Variants in DPYD observed in about 807,000 individuals in gnomAD.
DPYD encodes the protein dihydropyrimidine dehydrogenase.
In DPYD, 109 loss-of-function variants were observed where a neutral mutation model predicts 116.2. That is an observed-to-expected ratio of 0.94 (90% confidence interval 0.80 to 1.10). The LOEUF (loss-of-function observed/expected upper bound fraction) is 1.10. DPYD is among the 50% of genes least tolerant of loss of function. The pLI is 0.00. For synonymous variants in DPYD, 440 were observed against 432.0 expected (o/e 1.02, Z -0.23); for missense variants, 1,302 against 1,254.5 (o/e 1.04, Z -0.57).
At chr1:97,408,403 T>A (rs1312436206) in intron 14 of DPYD, among the ~76,000 whole-genome samples, 1 of 152,208 alleles carries the variant, frequency 6.6e-6, no homozygotes, top group East Asian at 1.9e-4. Context: ...TTTCCTTTTT[T>A]CCTTTATCAT....
chr1:97,830,721 AAGAG>A (rs1275886869), intron 2 of DPYD, among the ~76,000 whole-genome samples: 4 of 151,702 alleles, frequency 2.6e-5, no homozygotes, highest in African/African-American at 4.8e-5. Context: ...AAAAAAAAAA[AAGAG>A]AGAGAGAGAA....
intron 20 of DPYD, among the ~76,000 whole-genome samples, chr1:97,163,271 C>A (rs990124161): frequency 6.6e-6 from 1 of 151,910 alleles, no homozygotes; most frequent in Non-Finnish European, 1.5e-5. Flanking sequence ...CAATGAACTC[C>A]AACAAATTTA....
At chr1:97,773,228 A>G (rs1666231698) in intron 3 of DPYD, among the ~76,000 whole-genome samples, 1 of 152,312 alleles carries the variant, frequency 6.6e-6, no homozygotes, top group East Asian at 1.9e-4. Context: ...CACAAATGAG[A>G]CAACTGAGCC....
intron 3 of DPYD, among the ~76,000 whole-genome samples, chr1:97,796,237 C>T (rs1420967318): frequency 6.6e-6 from 1 of 151,868 alleles, no homozygotes; most frequent in Non-Finnish European, 1.5e-5. Context: ...TATTATTATC[C>T]CAATTTTATA....
At chr1:97,719,271 C>T (rs1215192273) in intron 5 of DPYD, among the ~76,000 whole-genome samples, 1 of 150,896 alleles carries the variant, frequency 6.6e-6, no homozygotes, top group Non-Finnish European at 1.5e-5. Flanking sequence ...AAATCACATG[C>T]TCATGTTAAA....
intron 3 of DPYD, among the ~76,000 whole-genome samples, chr1:97,799,995 T>C (rs560434155): frequency 6.6e-6 from 1 of 152,098 alleles, no homozygotes; most frequent in Admixed American, 6.6e-5. Flanking sequence ...AGGATCTCTG[T>C]GTAGCAAAGT....
chr1:97,419,907 C>T (rs923491966), intron 14 of DPYD: 2 of 152,160 alleles, frequency 1.3e-5, no homozygotes, highest in Non-Finnish European at 2.9e-5. Flanking sequence ...CTGACAATGC[C>T]TATTTTCCTT....
intron 16 of DPYD, among the ~76,000 whole-genome samples, chr1:97,318,048 C>A (rs930517773): frequency 3.7e-4 from 55 of 148,314 alleles, no homozygotes; most frequent in African/African-American, 1.2e-3. Context: ...TTTGTCACCA[C>A]CAGGCCTGCC....
intron 6 of DPYD, among the ~76,000 whole-genome samples, chr1:97,696,127 CA>C (rs1232978190): frequency 2.5e-4 from 23 of 91,732 alleles, no homozygotes; most frequent in Admixed American, 2.5e-4. Context: ...CAGACTCTTT[CA>C]AAAAAAAAAG....
intron 3 of DPYD, among the ~76,000 whole-genome samples, chr1:97,766,583 A>T (rs1665867908): frequency 6.6e-6 from 1 of 152,246 alleles, no homozygotes; most frequent in African/African-American, 2.4e-5. Context: ...CTTTGTTAAC[A>T]CCTCTGAAAG....
chr1:97,473,417 T>C (rs1225831391), intron 13 of DPYD, among the ~76,000 whole-genome samples: 2 of 152,246 alleles, frequency 1.3e-5, no homozygotes, highest in Admixed American at 6.5e-5. Context: ...TATTGGCTAT[T>C]GTGAATAATA....
chr1:97,181,555 A>T (rs1657645212), intron 20 of DPYD, among the ~76,000 whole-genome samples: 1 of 152,132 alleles, frequency 6.6e-6, no homozygotes, highest in Admixed American at 6.6e-5. Context: ...TCAAAAGACA[A>T]AGATGCTAGC....
intron 3 of DPYD, among the ~76,000 whole-genome samples, chr1:97,812,318 A>C (rs1212412566): frequency 1.3e-5 from 2 of 152,178 alleles, no homozygotes; most frequent in South Asian, 2.1e-4. Flanking sequence ...ACTGAATTTA[A>C]TGATCAAGAA....
intron 18 of DPYD, among the ~76,000 whole-genome samples, chr1:97,291,115 T>C (rs963666179): frequency 4.6e-5 from 7 of 152,132 alleles, no homozygotes; most frequent in Non-Finnish European, 7.3e-5. Flanking sequence ...ATCAGAGAAA[T>C]GCAAATCAAA....
At chr1:97,631,051 C>T (rs767476015) in intron 8 of DPYD, among the ~76,000 whole-genome samples, 18 of 152,046 alleles carry the variant, frequency 1.2e-4, no homozygotes, top group Non-Finnish European at 2.4e-4. Context: ...AACATAAGCA[C>T]GTAACAGGCT....
At chr1:97,513,288 C>CA (rs1647946604) in intron 13 of DPYD, among the ~76,000 whole-genome samples, 1 of 151,530 alleles carries the variant, frequency 6.6e-6, no homozygotes, top group South Asian at 2.1e-4. Flanking sequence ...GAAATCAGTG[C>CA]AATATTCAGC....
At chr1:97,345,285 A>G (rs1237857759) in intron 16 of DPYD, among the ~76,000 whole-genome samples, 1 of 151,934 alleles carries the variant, frequency 6.6e-6, no homozygotes, top group Non-Finnish European at 1.5e-5. Context: ...TGTCCATAAT[A>G]TTTTTGGTGT....
chr1:97,567,237 C>G (rs1652582494), intron 11 of DPYD, among the ~76,000 whole-genome samples: 1 of 152,060 alleles, frequency 6.6e-6, no homozygotes, highest in Non-Finnish European at 1.5e-5. Flanking sequence ...CTGCTATTGA[C>G]AGAATGTTTG....
At chr1:97,750,194 T>G (rs1415902513) in intron 3 of DPYD, among the ~76,000 whole-genome samples, 1 of 152,114 alleles carries the variant, frequency 6.6e-6, no homozygotes, top group Non-Finnish European at 1.5e-5. Flanking sequence ...ATGACATATT[T>G]GTGGGCAATT....
Sources: gnomAD v4.1 joint callset for allele counts (sites outside exome capture counted in the v4.1 genomes callset) on GRCh38, gnomAD v4.1.1 for gene constraint, MANE v1.5 for transcripts, NCBI Gene and HGNC (gene_info 2026-07-23, HGNC 2026-07-21) for gene names.